The following CEP192 variants were observed in gnomAD, a reference collection of about 807,000 sequenced individuals.
CEP192 encodes centrosomal protein 192.
In CEP192, 151 loss-of-function variants were observed where a neutral mutation model predicts 271.8. That is an observed-to-expected ratio of 0.56 (90% CI 0.49 to 0.64). The LOEUF (loss-of-function observed/expected upper bound fraction) is 0.64, where lower values mean the gene tolerates loss of function less well. Ranked by LOEUF, CEP192 falls within the 30% of genes least tolerant of loss-of-function variation. The pLI is 0.00. For missense variants in CEP192, 2,910 were observed against 3,020.5 expected (o/e 0.96, Z 0.86); for synonymous variants, 995 against 1,076.5 (o/e 0.92, Z 1.48).
chr18:13,087,367 C>T, intron 31 of CEP192, 90 bp downstream of exon 31: 1 of 1,200,288 alleles, frequency 8.3e-7, no homozygotes. Context: ...TAAAATAATA[C>T]TTGAAAATAA....
At chr18:13,029,161 T>C (rs1018948815) in intron 9 of CEP192, among the ~76,000 whole-genome samples, 2 of 152,242 alleles carry the variant, frequency 1.3e-5, no homozygotes, top group African/African-American at 4.8e-5. Context: ...TTGGAGAGCA[T>C]AGTTTGAAGG....
intron 15 of CEP192, among the ~76,000 whole-genome samples, chr18:13,047,222 T>C (rs74637439): frequency 0.035 from 5,345 of 152,296 alleles, 108 homozygotes; most frequent in Middle Eastern, 0.11. Context: ...TTATTGGAAT[T>C]GAGCTGATTG....
intron 38 of CEP192, among the ~76,000 whole-genome samples, chr18:13,101,951 C>T (rs1045135282): frequency 6.6e-6 from 1 of 152,164 alleles, no homozygotes; most frequent in Non-Finnish European, 1.5e-5. Flanking sequence ...TCCTCTCCCT[C>T]TCTGTTCCTG....
chr18:12,998,380 C>T (rs761184518), intron 1 of CEP192, among the ~76,000 whole-genome samples: 2 of 152,176 alleles, frequency 1.3e-5, no homozygotes, highest in Non-Finnish European at 2.9e-5. Context: ...CCAGCATAGA[C>T]CTAGCACTTA....
In CEP192 at chr18:13,056,249, C is replaced by T. The variant is rs751771661; in HGVS notation, c.3659C>T (p.Thr1220Ile). 16 of 1,613,740 alleles carry T rather than the reference C, an allele frequency of 9.9e-6. No homozygotes were observed. The East Asian group carries it at 2.9e-4, about 29-fold the overall frequency. Reference protein sequence around the residue: ...EFSGQVSHQTTSENQCTPIPS... With the variant: ...EFSGQVSHQTISENQCTPIPS... ...AGTGGCCAGGTTTCTCATCAGACCA[C>T]CTCTGAAAACCAGTGTACTCCTATT... The change falls in exon 19 of 45, where the codon ACC becomes ATC. Residue 1220 changes from threonine to isoleucine, a missense_variant. Physicochemically the swap from Thr to Ile is moderately conservative, Grantham distance 89 (BLOSUM62 -1). Transcript: ENST00000506447.
In CEP192 at chr18:13,084,904, C is replaced by T. The variant is rs28763296; in HGVS notation, c.5617-2113C>T. ...TCTCGGCTCACTGCAACCTCCGCCTCCCGGGTTCAAGCGATTCTCCTGCCT... is the reference window on the plus strand; with the variant it reads ...TCTCGGCTCACTGCAACCTCCGCCTTCCGGGTTCAAGCGATTCTCCTGCCT... On this transcript the variant is annotated intron_variant, in intron 30 of 44. Transcript: ENST00000506447. Among the ~76,000 whole-genome samples, 1,230 of 151,952 alleles carry T rather than the reference C, an allele frequency of 8.1e-3. 25 individuals carry two copies. The highest frequency in any genetic ancestry group is 0.028 in the African/African-American group (1,161 of 41,460).
chr18:13,086,514 C>A (rs1598560380), intron 30 of CEP192, among the ~76,000 whole-genome samples: 1 of 152,270 alleles, frequency 6.6e-6, no homozygotes, highest in South Asian at 2.1e-4. Context: ...TGGGCTGCAT[C>A]CACTCTCTAA....
intron 21 of CEP192, among the ~76,000 whole-genome samples, chr18:13,063,843 T>C (rs1291168108): frequency 1.4e-5 from 2 of 144,022 alleles, no homozygotes; most frequent in Non-Finnish European, 3.0e-5. Flanking sequence ...TTTTTTGAAA[T>C]GGAGTCTCGC....
intron 38 of CEP192, among the ~76,000 whole-genome samples, chr18:13,101,731 C>T (rs2039714547): frequency 6.6e-6 from 1 of 152,138 alleles, no homozygotes; most frequent in African/African-American, 2.4e-5. Flanking sequence ...CGCTCTGAGC[C>T]TGGCACTTGC....
chr18:13,057,651 C>G lies in CEP192; in HGVS notation c.4175C>G (p.Thr1392Ser). 3.1e-6 allele frequency: 5 copies of G among 1,614,130 alleles called. No individual in the cohort carries two copies. The highest frequency in any genetic ancestry group is 4.2e-6 in the Non-Finnish European group (5 of 1,180,000). ...HACCVGIASQ[T>S]LLSVLNPTDR... ...TGCTGTGTCGGGATCGCTTCCCAGA[C>G]CCTCCTCAGTGTGCTTAATCCAACT... The change falls in exon 20 of 45, where the codon ACC becomes AGC. Residue 1392 changes from threonine to serine, a missense_variant. Physicochemically the swap from Thr to Ser is moderately conservative, Grantham distance 58. Coordinates refer to ENST00000506447, the MANE Select transcript of CEP192 (RefSeq NM_032142.4).
At chr18:13,087,380 TA>T in intron 31 of CEP192, 103 bp downstream of exon 31, 1 of 1,137,866 alleles carries the variant, frequency 8.8e-7, no homozygotes, top group South Asian at 1.6e-5. Context: ...GAAAATAATG[TA>T]GGAATAGAAG....
At chr18:13,109,663 G>A (rs2040120631) in intron 40 of CEP192, among the ~76,000 whole-genome samples, 1 of 151,774 alleles carries the variant, frequency 6.6e-6, no homozygotes, top group Non-Finnish European at 1.5e-5. Flanking sequence ...TTTGAAGAAT[G>A]GTGAAAATAA....
At chr18:13,011,338 A>G (rs1259045979) in intron 4 of CEP192, among the ~76,000 whole-genome samples, 2 of 152,164 alleles carry the variant, frequency 1.3e-5, no homozygotes, top group Non-Finnish European at 2.9e-5. Context: ...TTGTGAGGAT[A>G]TGGAGAAATT....
chr18:13,049,007 AG>A lies in CEP192; in HGVS notation c.2218del (p.Ala740HisfsTer31). The part of the protein sequence containing the change: ...TDPSQLAAMI[K>X]ALSNKTRDKT... Reference sequence around the variant, plus strand: ...CCTTCCCAACTTGCTGCAATGATCAAGGCACTTTCAAATAAAACCAGAGACA... The same window carrying A: ...CCTTCCCAACTTGCTGCAATGATCAAGCACTTTCAAATAAAACCAGAGACA... On this transcript the variant is annotated frameshift_variant, in exon 16 of 45. Transcript: ENST00000506447. LOFTEE classifies it high-confidence loss of function. The A allele has an allele frequency of 1.2e-6, 2 of 1,614,210 alleles. No individual in the cohort carries two copies. Among genetic ancestry groups the A allele is most frequent in the Non-Finnish European group, 1.7e-6 (2 of 1,180,034 alleles).
intron 13 of CEP192, among the ~76,000 whole-genome samples, chr18:13,040,557 G>T (rs899550224): frequency 1.3e-5 from 2 of 152,166 alleles, no homozygotes; most frequent in African/African-American, 4.8e-5. Flanking sequence ...GAGCCACTGC[G>T]CTTGGCCTCA....
chr18:13,001,028 T>G (rs1400293589), intron 2 of CEP192, among the ~76,000 whole-genome samples: 3 of 152,246 alleles, frequency 2.0e-5, no homozygotes, highest in Non-Finnish European at 4.4e-5. Flanking sequence ...CAGATTGATG[T>G]TTGGTTAAAT....
intron 30 of CEP192, among the ~76,000 whole-genome samples, chr18:13,084,734 T>C (rs772195995): frequency 3.3e-5 from 5 of 152,168 alleles, no homozygotes; most frequent in Admixed American, 1.3e-4. Flanking sequence ...AGACCGGAGC[T>C]GTTCTTATTC....
At position 13,053,030 on chromosome 18, in the gene CEP192, G is replaced by T. The variant is rs760078697; in HGVS notation, c.3129G>T (p.Val1043=). The T allele has an allele frequency of 1.9e-6, 3 of 1,613,944 alleles. No homozygotes were observed. The highest frequency in any genetic ancestry group is 2.2e-5 in the East Asian group (1 of 44,870). Reference sequence around the variant, plus strand: ...CTGGGGTGAGCAGGCTGACGTATGTGTCTGAACCAGAGAGCTCCTATCCTA... The same window carrying T: ...CTGGGGTGAGCAGGCTGACGTATGTTTCTGAACCAGAGAGCTCCTATCCTA... ...SPAGVSRLTY[V]SEPESSYPTT... The change falls in exon 18 of 45, where the codon GTG becomes GTT. Residue 1043 remains valine (V), a synonymous_variant. Coordinates refer to ENST00000506447, the MANE Select transcript of CEP192 (RefSeq NM_032142.4).
intron 9 of CEP192, among the ~76,000 whole-genome samples, chr18:13,023,255 T>C (rs1204642579): frequency 6.6e-6 from 1 of 152,190 alleles, no homozygotes; most frequent in Non-Finnish European, 1.5e-5. Flanking sequence ...CGTGTCTTAA[T>C]TGCATTAGCT....
Sources: allele counts gnomAD v4.1 joint callset (sites outside exome capture counted in the v4.1 genomes callset), GRCh38; gene constraint gnomAD v4.1.1; transcripts MANE v1.5; gene names NCBI Gene and HGNC (gene_info 2026-07-23, HGNC 2026-07-21).